Variants in KCTD16 observed in about 807,000 individuals in gnomAD.
KCTD16 encodes BTB/POZ domain-containing protein KCTD16.
A neutral mutation model predicts 33.2 loss-of-function variants in KCTD16; 13 were observed. That is an observed-to-expected ratio of 0.39 (90% CI 0.25 to 0.62). The LOEUF (loss-of-function observed/expected upper bound fraction) is 0.62. KCTD16 is among the 20% of genes least tolerant of loss of function. The pLI, the probability that KCTD16 is intolerant of heterozygous loss-of-function variation, is 0.50. For synonymous variants in KCTD16, 197 were observed against 195.3 expected, an observed-to-expected ratio of 1.01 and a Z score of -0.07; for missense variants, 441 against 525.1, an observed-to-expected ratio of 0.84 and a Z score of 1.57.
intron 3 of KCTD16, among the ~76,000 whole-genome samples, chr5:144,250,417 C>T (rs920229788): frequency 6.6e-6 from 1 of 152,158 alleles, no homozygotes; most frequent in Non-Finnish European, 1.5e-5. Context: ...GTGGGGTCCT[C>T]CCAGAGTATC....
chr5:144,399,332 A>G (rs759373370), intron 3 of KCTD16, among the ~76,000 whole-genome samples: 1 of 151,884 alleles, frequency 6.6e-6, no homozygotes, highest in Non-Finnish European at 1.5e-5. Flanking sequence ...TTTTCTTTCA[A>G]TATTTTTTGT....
rs1392075817 is a variant in KCTD16 at position 144,483,680 on chromosome 5, T to A, written c.*9566T>A. The A allele has an allele frequency of 2.0e-5, 3 of 151,950 alleles. No individual in the cohort carries two copies. The highest frequency in any genetic ancestry group is 4.4e-5 in the Non-Finnish European group (3 of 67,922). 9.4% of individuals were successfully genotyped at this position (151,950 alleles called of 1,614,324 possible). On this transcript the variant is annotated 3_prime_UTR_variant, in exon 4 of 4. Coordinates refer to ENST00000512467, the MANE Select transcript of KCTD16 (RefSeq NM_020768.4). ...ATGCTTTGCATATTACTGGGGAATG[T>A]GAAAAATATTTAAAGTCAACCTATG...
intron 3 of KCTD16, among the ~76,000 whole-genome samples, chr5:144,360,887 T>C (rs989414674): frequency 4.3e-4 from 63 of 147,928 alleles, no homozygotes; most frequent in Non-Finnish European, 6.9e-4. Flanking sequence ...TTTTTTTTTA[T>C]TTTTTTTGGA....
At chr5:144,200,443 T>C (rs1753021874) in intron 2 of KCTD16, among the ~76,000 whole-genome samples, 1 of 152,244 alleles carries the variant, frequency 6.6e-6, no homozygotes, top group Non-Finnish European at 1.5e-5. Flanking sequence ...AAATTCTTTC[T>C]TGCCAGGCTT....
In KCTD16 at chr5:144,408,024, AG is replaced by A. The variant is rs771996874; in HGVS notation, c.833-65635del. 3.2e-4 allele frequency among the ~76,000 whole-genome samples: 49 copies of A among 152,332 alleles called. 2 individuals carry two copies. Among genetic ancestry groups the A allele is most frequent in the Middle Eastern group, 6.8e-3 (2 of 294 alleles). Reference sequence around the variant, plus strand: ...AACATACGTGTGCATGTGTCTTTATAGTAGAAGGATTTATAATCCTTTGGAT... The same window carrying A: ...AACATACGTGTGCATGTGTCTTTATATAGAAGGATTTATAATCCTTTGGAT... On this transcript the variant is annotated intron_variant, in intron 3 of 3. Transcript: ENST00000512467.
At chr5:144,409,079 C>T (rs1252775772) in intron 3 of KCTD16, among the ~76,000 whole-genome samples, 1 of 152,168 alleles carries the variant, frequency 6.6e-6, no homozygotes, top group South Asian at 2.1e-4. Context: ...TCCCCAGTAT[C>T]TAGCACATGT....
chr5:144,330,030 C>A (rs1752312487), intron 3 of KCTD16, among the ~76,000 whole-genome samples: 1 of 152,082 alleles, frequency 6.6e-6, no homozygotes. Flanking sequence ...GGCTGAGTAT[C>A]TAGAGTGCAA....
chr5:144,219,160 A>T (rs906754169), intron 3 of KCTD16, among the ~76,000 whole-genome samples: 5 of 152,140 alleles, frequency 3.3e-5, no homozygotes, highest in Non-Finnish European at 7.4e-5. Context: ...CCACCTTGTT[A>T]GCTTTGTTTT....
At chr5:144,197,675 A>G (rs1021519083) in intron 2 of KCTD16, among the ~76,000 whole-genome samples, 2 of 152,182 alleles carry the variant, frequency 1.3e-5, no homozygotes, top group African/African-American at 2.4e-5. Context: ...AAGAAACTAT[A>G]TGCCCAAATA....
At chr5:144,242,222 G>C (rs941457251) in intron 3 of KCTD16, among the ~76,000 whole-genome samples, 15 of 152,056 alleles carry the variant, frequency 9.9e-5, no homozygotes, top group African/African-American at 3.4e-4. Flanking sequence ...TAATTATCTA[G>C]GGGCCATGTA....
chr5:144,222,220 T>C (rs900325877), intron 3 of KCTD16, among the ~76,000 whole-genome samples: 3 of 152,228 alleles, frequency 2.0e-5, no homozygotes, highest in Non-Finnish European at 4.4e-5. Context: ...GGTTGCCAGT[T>C]CTAACTGCTT....
At chr5:144,357,761 A>G (rs912303665) in intron 3 of KCTD16, among the ~76,000 whole-genome samples, 2 of 152,202 alleles carry the variant, frequency 1.3e-5, no homozygotes, top group Non-Finnish European at 2.9e-5. Flanking sequence ...CTTTTCAAGT[A>G]TGCACAATTC....
intron 3 of KCTD16, among the ~76,000 whole-genome samples, chr5:144,279,711 A>G (rs142499844): frequency 4.8e-4 from 73 of 152,352 alleles, no homozygotes; most frequent in African/African-American, 1.7e-3. Context: ...TGGTACTTAT[A>G]TTAATGCATT....
At chr5:144,429,633 C>T (rs1176211121) in intron 3 of KCTD16, among the ~76,000 whole-genome samples, 1 of 151,968 alleles carries the variant, frequency 6.6e-6, no homozygotes, top group Non-Finnish European at 1.5e-5. Flanking sequence ...GATGCAGTAC[C>T]ATGATTGACA....
intron 2 of KCTD16, among the ~76,000 whole-genome samples, chr5:144,185,058 A>C (rs1265954673): frequency 6.6e-6 from 1 of 152,158 alleles, no homozygotes; most frequent in Admixed American, 6.5e-5. Context: ...TAACTAATTT[A>C]CTCCTCAAAA....
intron 3 of KCTD16, among the ~76,000 whole-genome samples, chr5:144,372,004 G>A (rs1471296858): frequency 6.6e-6 from 1 of 151,972 alleles, no homozygotes; most frequent in Non-Finnish European, 1.5e-5. Context: ...AAAGAATAGG[G>A]GATTGGACAT....
chr5:144,436,312 G>T (rs1454196915), intron 3 of KCTD16, among the ~76,000 whole-genome samples: 1 of 152,120 alleles, frequency 6.6e-6, no homozygotes, highest in Non-Finnish European at 1.5e-5. Flanking sequence ...CCTCTTTCAT[G>T]GCTCTGTAAC....
At chr5:144,400,012 G>T (rs1371863080) in intron 3 of KCTD16, among the ~76,000 whole-genome samples, 5 of 152,196 alleles carry the variant, frequency 3.3e-5, no homozygotes, top group Non-Finnish European at 5.9e-5. Context: ...ACATGATGGT[G>T]GTCTCAGCAT....
At chr5:144,195,559 G>A (rs920972481) in intron 2 of KCTD16, among the ~76,000 whole-genome samples, 18 of 152,220 alleles carry the variant, frequency 1.2e-4, no homozygotes, top group African/African-American at 4.1e-4. Context: ...TCAACAAATG[G>A]AGAGGGAAGG....
Sources: gnomAD v4.1 joint callset for allele counts (sites outside exome capture counted in the v4.1 genomes callset) on GRCh38, gnomAD v4.1.1 for gene constraint, MANE v1.5 for transcripts, NCBI Gene and HGNC (gene_info 2026-07-23, HGNC 2026-07-21) for gene names.